The following SLC25A37 variants were observed in gnomAD, a reference collection of about 807,000 sequenced individuals.
The protein encoded by SLC25A37 is solute carrier family 25 member 37.
In SLC25A37, 17 loss-of-function variants were observed where a neutral mutation model predicts 31.0. The observed-to-expected ratio is 0.55, with a 90% confidence interval of 0.38 to 0.82. The LOEUF (loss-of-function observed/expected upper bound fraction) is 0.82. Ranked by LOEUF, SLC25A37 falls within the 40% of genes least tolerant of loss-of-function variation. The pLI is 0.00. For synonymous variants in SLC25A37, 222 were observed against 193.0 expected (o/e 1.15, Z -1.24); for missense variants, 404 against 465.8 (o/e 0.87, Z 1.22).
At chr8:23,565,980 C>A in intron 1 of SLC25A37, 128 bp from the exon 2 acceptor site, 1 of 1,316,764 alleles carries the variant, frequency 7.6e-7, no homozygotes, top group Non-Finnish European at 1.0e-6. Flanking sequence ...AATATGTTTC[C>A]TTCCCAGAGA....
intron 1 of SLC25A37, chr8:23,541,739 G>A (rs1801900228): frequency 6.6e-6 from 1 of 152,392 alleles, no homozygotes; most frequent in Admixed American, 6.5e-5. Flanking sequence ...GTGGATCACG[G>A]GTGTCCTAGG....
chr8:23,533,558 T>C (rs1801703293), intron 1 of SLC25A37, among the ~76,000 whole-genome samples: 3 of 152,206 alleles, frequency 2.0e-5, no homozygotes. Flanking sequence ...AGTTCCACTT[T>C]CTCTGTTTTT....
chr8:23,557,701 G>T (rs1460806189), intron 1 of SLC25A37, among the ~76,000 whole-genome samples: 2 of 152,208 alleles, frequency 1.3e-5, no homozygotes, highest in South Asian at 2.1e-4. Context: ...TGGCCAGGGG[G>T]CTGCAGGGTG....
At chr8:23,566,891 GA>G (rs1436432338) in intron 2 of SLC25A37, 1 of 887,166 alleles carries the variant, frequency 1.1e-6, no homozygotes, top group East Asian at 1.2e-4. Flanking sequence ...GGGGATCTGG[GA>G]ATTTTACCCC....
rs1264674122 is a variant in SLC25A37 at position 23,574,240 on chromosome 8, G to A, written c.*2385G>A. The A allele has an allele frequency of 2.1e-5, 4 of 189,290 alleles. No individual in the cohort carries two copies. The highest frequency in any genetic ancestry group is 4.7e-5 in the African/African-American group (2 of 42,750). The allele number at this position is 189,290 out of a possible 1,614,324, so 11.7% of individuals were successfully genotyped here. A position where few individuals can be genotyped will look rare whatever the true frequency, so the allele number is the denominator to read the frequency against. On this transcript the variant is annotated 3_prime_UTR_variant, in exon 4 of 4. Coordinates refer to ENST00000519973, the MANE Select transcript of SLC25A37 (RefSeq NM_016612.4). ...GCACTTTGGGGAGGCCGAGGCAGGC[G>A]GATCACTTGAGGCCAGCAGTTTGAG...
intron 1 of SLC25A37, among the ~76,000 whole-genome samples, chr8:23,548,831 TC>T (rs1369082746): frequency 6.6e-6 from 1 of 152,150 alleles, no homozygotes; most frequent in Admixed American, 6.5e-5. Flanking sequence ...ACACTCTCTC[TC>T]TGCTCTGTCT....
At chr8:23,566,427 G>T in intron 2 of SLC25A37, 91 bp downstream of exon 2, 1 of 1,505,062 alleles carries the variant, frequency 6.6e-7, no homozygotes, top group Non-Finnish European at 8.8e-7. Context: ...CAGCCGCCTC[G>T]ACTTCGGCCC....
At chr8:23,560,447 C>T (rs1445655539) in intron 1 of SLC25A37, among the ~76,000 whole-genome samples, 1 of 152,142 alleles carries the variant, frequency 6.6e-6, no homozygotes, top group African/African-American at 2.4e-5. Context: ...CCTGGTGGTT[C>T]GTTTCCTCCT....
intron 1 of SLC25A37, among the ~76,000 whole-genome samples, chr8:23,562,301 C>A (rs944335142): frequency 2.0e-5 from 3 of 152,332 alleles, no homozygotes; most frequent in Admixed American, 2.0e-4. Flanking sequence ...CACACCCAGG[C>A]TTGAGAAATG....
Position 23,573,154 on chromosome 8 carries a change from CT to C in SLC25A37, c.*1300del, listed in dbSNP as rs1802905594. 6.6e-6 allele frequency: 1 copy of C among 152,392 alleles called. No individual in the cohort carries two copies. The highest frequency in any genetic ancestry group is 1.5e-5 in the Non-Finnish European group (1 of 68,192). The allele number at this position is 152,392 out of a possible 1,614,324, so 9.4% of individuals were successfully genotyped here. On this transcript the variant is annotated 3_prime_UTR_variant, in exon 4 of 4. Coordinates refer to ENST00000519973, the MANE Select transcript of SLC25A37 (RefSeq NM_016612.4). ...ATGTGACAAGAGCCAGGCCTATCTG[CT>C]AGGGCCCTGCGGCTGAGGTCTGACC...
At position 23,566,450 on chromosome 8, in the gene SLC25A37, A is replaced by G. The variant is rs747675580; in HGVS notation, c.439+114A>G. On this transcript the variant is annotated intron_variant, in intron 2 of 3. Transcript: ENST00000519973. ...TCGACTTCGGCCCGCTTGCTCACGA[A>G]TAAAGAACTCAGAGTTGTGTGTGCA... 436 of 1,489,244 alleles carry G rather than the reference A, an allele frequency of 2.9e-4. 1 individual carries two copies. Among genetic ancestry groups the G allele is most frequent in the Middle Eastern group, 8.6e-4 (5 of 5,802 alleles). The allele number at this position is 1,489,244 out of a possible 1,614,324, so 92.3% of individuals were successfully genotyped here. A position where few individuals can be genotyped will look rare whatever the true frequency, so the allele number is the denominator to read the frequency against.
At chr8:23,566,572 G>C in intron 2 of SLC25A37, 1 of 1,285,632 alleles carries the variant, frequency 7.8e-7, no homozygotes, top group Non-Finnish European at 9.8e-7. Context: ...AGAAATCAGT[G>C]ACAGAGGTGT....
chr8:23,536,252 G>A (rs2942208), intron 1 of SLC25A37, among the ~76,000 whole-genome samples: 70,235 of 151,868 alleles, frequency 0.46, 16,927 homozygotes, highest in African/African-American at 0.59. Flanking sequence ...CACCCCCAAT[G>A]TTTCTTCCCA....
In SLC25A37 at chr8:23,571,845, C is replaced by A; in HGVS notation, c.1007C>A (p.Ala336Asp). The A allele has an allele frequency of 6.2e-7, 1 of 1,611,100 alleles. No individual in the cohort carries two copies. The change falls in exon 4 of 4, where the codon GCT becomes GAT. Residue 336 changes from alanine (A) to aspartate (D), a missense_variant. By Grantham distance (126) the Ala-to-Asp change is moderately radical (BLOSUM62 -2). Transcript: ENST00000519973. ...ACCAAGCGCCAGCTGGAAAATCGAGCTCCATACTAAAGGAAGGGATCATAG... is the reference window on the plus strand; with the variant it reads ...ACCAAGCGCCAGCTGGAAAATCGAGATCCATACTAAAGGAAGGGATCATAG... ...FLTKRQLENRAPY is the reference protein window; with the variant it reads ...FLTKRQLENRDPY
intron 3 of SLC25A37, among the ~76,000 whole-genome samples, chr8:23,569,458 C>G (rs998608412): frequency 1.3e-5 from 2 of 151,132 alleles, no homozygotes; most frequent in African/African-American, 2.5e-5. Context: ...TAACCCTTAT[C>G]GATCCTAGAC....
At chr8:23,563,113 G>A (rs2978475) in intron 1 of SLC25A37, among the ~76,000 whole-genome samples, 43,059 of 152,092 alleles carry the variant, frequency 0.28, 6,238 homozygotes, top group African/African-American at 0.32. Context: ...TCTTGGTTCA[G>A]ATACCTTCTT....
chr8:23,543,414 T>C (rs1470757790), intron 1 of SLC25A37, among the ~76,000 whole-genome samples: 1 of 152,178 alleles, frequency 6.6e-6, no homozygotes, highest in African/African-American at 2.4e-5. Context: ...AAAATAAATT[T>C]AGTGTAGCCT....
Position 23,529,321 on chromosome 8 carries a change from TC to T in SLC25A37, c.210+113del. On this transcript the variant is annotated intron_variant, in intron 1 of 3. Transcript: ENST00000519973. The surrounding 1 kb of genome is among the most constrained non-coding windows in gnomAD (Gnocchi z 4.1). The stretch of plus-strand genomic sequence containing the variant: ...GGGGCAGCGTCCCGAAACCGAGCTC[TC>T]CCCAGGACCGCGGCTGGCCGGGGTC... 3 of 1,051,438 alleles carry T rather than the reference TC, an allele frequency of 2.9e-6. No homozygotes were observed. Among genetic ancestry groups the T allele is most frequent in the Non-Finnish European group, 3.9e-6 (3 of 772,106 alleles). The allele number at this position is 1,051,438 out of a possible 1,614,324, so 65.1% of individuals were successfully genotyped here.
intron 1 of SLC25A37, among the ~76,000 whole-genome samples, chr8:23,561,412 C>A (rs185370595): frequency 1.3e-5 from 2 of 152,324 alleles, no homozygotes; most frequent in Non-Finnish European, 2.9e-5. Context: ...AAAGGAGAGA[C>A]CCTCTTGATG....
Sources: allele counts gnomAD v4.1 joint callset (sites outside exome capture counted in the v4.1 genomes callset), GRCh38; gene constraint gnomAD v4.1.1; non-coding constraint Gnocchi (gnomAD v3.1); transcripts MANE v1.5; gene names NCBI Gene and HGNC (gene_info 2026-07-23, HGNC 2026-07-21).